LINGO2: variants seen among roughly 807,000 people sequenced by gnomAD.
The protein encoded by LINGO2 is leucine rich repeat and Ig domain containing 2.
Under a neutral mutation model 30.6 loss-of-function variants are expected in LINGO2, and 14 were observed. The ratio of observed to expected loss-of-function variants is 0.46; its 90% confidence interval spans 0.30 to 0.72. The LOEUF (loss-of-function observed/expected upper bound fraction) is 0.72, where lower values mean the gene tolerates loss of function less well. Ranked by LOEUF, LINGO2 falls within the 30% of genes least tolerant of loss-of-function variation. The pLI is 0.07. For synonymous variants in LINGO2, 317 were observed against 288.5 expected (o/e 1.10, Z -1.00); for missense variants, 729 against 751.7 (o/e 0.97, Z 0.35).
chr9:28,991,337 C>T, the LINGO2 span, among the ~76,000 whole-genome samples: 1 of 151,472 alleles, frequency 6.6e-6, no homozygotes, highest in Admixed American at 6.6e-5. Flanking sequence ...AAGAAACGAA[C>T]AAAGCCTCCA....
intron 1 of LINGO2, among the ~76,000 whole-genome samples, chr9:28,520,144 C>A (rs1820774698): frequency 6.6e-6 from 1 of 152,072 alleles, no homozygotes; most frequent in South Asian, 2.1e-4. Context: ...TTACCTTAGC[C>A]TTAATTCTTA....
the LINGO2 span, among the ~76,000 whole-genome samples, chr9:28,857,821 T>C: frequency 6.6e-6 from 1 of 152,098 alleles, no homozygotes; most frequent in South Asian, 2.1e-4. Context: ...TTTACACTGA[T>C]TGTTGAAAAT....
chr9:28,835,676 C>T, the LINGO2 span, among the ~76,000 whole-genome samples: 4 of 152,186 alleles, frequency 2.6e-5, no homozygotes, highest in African/African-American at 9.6e-5. Flanking sequence ...TCCTATTTTG[C>T]CTGTCCAGCT....
chr9:27,943,740 G>C (rs933476910), downstream of LINGO2: 2 of 152,182 alleles, frequency 1.3e-5, no homozygotes, highest in Admixed American at 6.6e-5. Context: ...AGAAGTGACA[G>C]TGGTAAGTAG....
At chr9:27,955,935 C>CGTTTTTT (rs1819540643) in intron 5 of LINGO2, among the ~76,000 whole-genome samples, 1 of 106,772 alleles carries the variant, frequency 9.4e-6, no homozygotes, top group African/African-American at 3.3e-5. Flanking sequence ...TGGATACTGA[C>CGTTTTTT]TTTTTTTTTT....
chr9:28,480,922 C>A (rs1160740654), intron 1 of LINGO2, among the ~76,000 whole-genome samples: 3 of 152,100 alleles, frequency 2.0e-5, no homozygotes, highest in Admixed American at 1.3e-4. Context: ...GCAACAATTT[C>A]TCAACTAAGT....
chr9:28,729,536 A>G, the LINGO2 span, among the ~76,000 whole-genome samples: 1 of 152,082 alleles, frequency 6.6e-6, no homozygotes, highest in African/African-American at 2.4e-5. Context: ...TGAATCATTC[A>G]TCAAATGTCA....
At chr9:28,556,128 G>T (rs1822671117) in intron 1 of LINGO2, among the ~76,000 whole-genome samples, 1 of 151,998 alleles carries the variant, frequency 6.6e-6, no homozygotes, top group African/African-American at 2.4e-5. Context: ...TCAACATAGT[G>T]TTGGAAGTTC....
chr9:28,334,863 G>A lies in LINGO2; in HGVS notation c.-246+37973C>T, dbSNP rs375857317. ...TGAAGAGAGGATTCCCGGAGGCCTT[G>A]GCCCCATTTAAAACACCAGAATTCA... On this transcript the variant is annotated intron_variant, in intron 3 of 5. Coordinates refer to ENST00000379992, the Ensembl canonical transcript of LINGO2. Among the ~76,000 whole-genome samples, 17 of 152,196 alleles carry A rather than the reference G, an allele frequency of 1.1e-4. No homozygotes were observed. The South Asian group carries it at 3.5e-3, about 32-fold the overall frequency.
the LINGO2 span, among the ~76,000 whole-genome samples, chr9:28,887,111 A>G: frequency 2.0e-5 from 3 of 152,282 alleles, 1 homozygote; most frequent in South Asian, 6.2e-4. Context: ...TGTGTCCATT[A>G]TAATAATGAT....
intron 1 of LINGO2, among the ~76,000 whole-genome samples, chr9:28,527,429 A>AGG (rs1165532173): frequency 6.6e-6 from 1 of 152,178 alleles, no homozygotes; most frequent in East Asian, 1.9e-4. Context: ...CCATGTTCTC[A>AGG]GGGGCCTTTC....
At chr9:28,879,217 A>G in the LINGO2 span, among the ~76,000 whole-genome samples, 1 of 152,052 alleles carries the variant, frequency 6.6e-6, no homozygotes, top group African/African-American at 2.4e-5. Context: ...GACCCAAATC[A>G]TGAGTGAACT....
chr9:28,137,523 G>C (rs960204815), intron 4 of LINGO2, among the ~76,000 whole-genome samples: 7 of 151,986 alleles, frequency 4.6e-5, no homozygotes, highest in African/African-American at 1.7e-4. Context: ...AGAATATTGG[G>C]TTCAAGTGGG....
At chr9:28,697,622 G>A in the LINGO2 span, among the ~76,000 whole-genome samples, 1 of 151,600 alleles carries the variant, frequency 6.6e-6, no homozygotes, top group Admixed American at 6.6e-5. Context: ...AAATATATTT[G>A]TCCATATTTA....
chr9:28,212,058 T>A (rs1167516185), intron 4 of LINGO2, among the ~76,000 whole-genome samples: 1 of 151,450 alleles, frequency 6.6e-6, no homozygotes, highest in African/African-American at 2.4e-5. Context: ...ATGAAAGGAA[T>A]ATGTATTTAG....
chr9:28,320,290 C>T (rs1039086462), intron 3 of LINGO2, among the ~76,000 whole-genome samples: 1 of 152,118 alleles, frequency 6.6e-6, no homozygotes, highest in African/African-American at 2.4e-5. Context: ...TGTCTCTAAG[C>T]TCCAGTCCAC....
the LINGO2 span, among the ~76,000 whole-genome samples, chr9:29,199,022 G>A: frequency 5.9e-5 from 9 of 152,028 alleles, no homozygotes; most frequent in Admixed American, 2.6e-4. Flanking sequence ...TTTTAATGGC[G>A]TAAAACCACA....
At chr9:29,136,458 C>T in the LINGO2 span, among the ~76,000 whole-genome samples, 17 of 152,222 alleles carry the variant, frequency 1.1e-4, no homozygotes, top group South Asian at 3.3e-3. Context: ...ATTATTTTCT[C>T]CAAGGTAACA....
intron 2 of LINGO2, among the ~76,000 whole-genome samples, chr9:28,428,643 T>C (rs2134930319): frequency 6.6e-6 from 1 of 152,244 alleles, no homozygotes. Flanking sequence ...CAGTTGCTGC[T>C]ATTATAAAGC....
Sources: gnomAD v4.1 joint callset for allele counts (sites outside exome capture counted in the v4.1 genomes callset) on GRCh38, gnomAD v4.1.1 for gene constraint, MANE v1.5 for transcripts, NCBI Gene and HGNC (gene_info 2026-07-23, HGNC 2026-07-21) for gene names.